The following CASR variants were observed in gnomAD, a reference collection of about 807,000 sequenced individuals.
The protein encoded by CASR is extracellular calcium-sensing receptor.
In CASR, 23 loss-of-function variants were observed where a neutral mutation model predicts 69.1. That is an observed-to-expected ratio of 0.33 (90% CI 0.24 to 0.47). The LOEUF (loss-of-function observed/expected upper bound fraction) is 0.47, where lower values mean the gene tolerates loss of function less well. CASR is among the 20% of genes least tolerant of loss of function. The pLI, the probability that CASR is intolerant of heterozygous loss-of-function variation, is 1.00. For synonymous variants in CASR, 541 were observed against 544.7 expected (o/e 0.99, Z 0.10); for missense variants, 924 against 1,356.1 (o/e 0.68, Z 5.00).
intron 1 of CASR, among the ~76,000 whole-genome samples, chr3:122,219,270 T>C (rs2074148019): frequency 6.6e-6 from 1 of 152,156 alleles, no homozygotes; most frequent in Non-Finnish European, 1.5e-5. Context: ...GATGATAACT[T>C]GCACTGGGAC....
intron 1 of CASR, among the ~76,000 whole-genome samples, chr3:122,228,921 C>T (rs2074253879): frequency 6.6e-6 from 1 of 152,178 alleles, no homozygotes; most frequent in Admixed American, 6.5e-5. Context: ...CATCTCAATG[C>T]CCCACTCTTC....
intron 1 of CASR, among the ~76,000 whole-genome samples, chr3:122,250,672 G>C (rs1044631435): frequency 3.9e-5 from 6 of 152,172 alleles, no homozygotes; most frequent in African/African-American, 9.7e-5. Flanking sequence ...ATGTTTAAGG[G>C]ATCTGGCACA....
intron 4 of CASR, among the ~76,000 whole-genome samples, chr3:122,264,723 C>T (rs2074669059): frequency 6.6e-6 from 1 of 152,126 alleles, no homozygotes; most frequent in African/African-American, 2.4e-5. Flanking sequence ...TGGTGTGAGT[C>T]TCCTTTGAGC....
intron 1 of CASR, among the ~76,000 whole-genome samples, chr3:122,240,840 A>C (rs2074372898): frequency 1.3e-5 from 2 of 152,350 alleles, no homozygotes; most frequent in South Asian, 4.1e-4. Flanking sequence ...ATTGTCTTTG[A>C]CCACAATGAA....
At chr3:122,203,412 G>A (rs1021830026) in intron 1 of CASR, among the ~76,000 whole-genome samples, 2 of 152,138 alleles carry the variant, frequency 1.3e-5, no homozygotes, top group African/African-American at 2.4e-5. Flanking sequence ...CTTACACCTA[G>A]CTATATGGGT....
Position 122,254,040 on chromosome 3 carries a change from G to C in CASR, c.-150G>C. On this transcript the variant is annotated 5_prime_UTR_variant, in exon 2 of 7. Coordinates refer to ENST00000639785, the MANE Select transcript of CASR (RefSeq NM_000388.4). ...CTGGATTGAGGAAGGCAGAAATGGA[G>C]ATTCAAACACCACGTCTTCTATTAT... is the stretch of plus-strand genomic sequence containing the variant. 1.2e-6 allele frequency: 1 copy of C among 810,168 alleles called. No individual in the cohort carries two copies. The highest frequency in any genetic ancestry group is 1.8e-5 in the Admixed American group (1 of 56,464). The allele number at this position is 810,168 out of a possible 1,614,324, so 50.2% of individuals were successfully genotyped here. A position where few individuals can be genotyped will look rare whatever the true frequency, so the allele number is the denominator to read the frequency against.
At chr3:122,259,628 A>ATTTTTT (rs11414721) in intron 3 of CASR, among the ~76,000 whole-genome samples, 9,891 of 121,878 alleles carry the variant, frequency 0.081, 706 homozygotes, top group Middle Eastern at 0.16. Flanking sequence ...CACATTGGAA[A>ATTTTTT]TTTTTTTTTT....
chr3:122,273,397 T>C (rs1038326142), intron 4 of CASR, among the ~76,000 whole-genome samples: 1 of 152,192 alleles, frequency 6.6e-6, no homozygotes, highest in African/African-American at 2.4e-5. Context: ...ATAGAGGTGT[T>C]GTGAGGATTA....
chr3:122,281,333 A>G (rs767430238), intron 5 of CASR, among the ~76,000 whole-genome samples: 1 of 152,246 alleles, frequency 6.6e-6, no homozygotes, highest in Non-Finnish European at 1.5e-5. Context: ...TCATCTGCAA[A>G]TAACTACAGT....
intron 1 of CASR, among the ~76,000 whole-genome samples, chr3:122,249,764 T>C (rs2074464229): frequency 6.6e-6 from 1 of 152,228 alleles, no homozygotes; most frequent in Non-Finnish European, 1.5e-5. Flanking sequence ...AAATGTATAG[T>C]AAGGAGAACA....
chr3:122,206,379 A>G (rs931556701), intron 1 of CASR, among the ~76,000 whole-genome samples: 10 of 151,938 alleles, frequency 6.6e-5, no homozygotes, highest in African/African-American at 2.2e-4. Flanking sequence ...TTTCATGGTT[A>G]TTGATTTGAG....
chr3:122,212,556 TTAAAA>T (rs1268529513), intron 1 of CASR, among the ~76,000 whole-genome samples: 2 of 152,178 alleles, frequency 1.3e-5, no homozygotes, highest in Admixed American at 6.5e-5. Context: ...ATACCGGAAC[TTAAAA>T]TAAAATTAAA....
At position 122,290,242 on chromosome 3, in the gene CASR, T is replaced by C. The variant is rs2075001542; in HGVS notation, c.*5051T>C. ...AAAGCAGCAAACTCTGTGACTGAAG[T>C]TTCAGCACATGGATGGCAAATATTT... On this transcript the variant is annotated 3_prime_UTR_variant, in exon 7 of 7. Coordinates refer to ENST00000639785, the MANE Select transcript of CASR (RefSeq NM_000388.4). The C allele has an allele frequency of 6.6e-6, 1 of 151,904 alleles. No individual in the cohort carries two copies. The highest frequency in any genetic ancestry group is 1.5e-5 in the Non-Finnish European group (1 of 67,974). 9.4% of individuals were successfully genotyped at this position (151,904 alleles called of 1,614,324 possible). A position where few individuals can be genotyped will look rare whatever the true frequency, so the allele number is the denominator to read the frequency against.
At chr3:122,274,677 T>C (rs1370666398) in intron 4 of CASR, among the ~76,000 whole-genome samples, 1 of 152,140 alleles carries the variant, frequency 6.6e-6, no homozygotes, top group East Asian at 1.9e-4. Context: ...TGAGGCAGGA[T>C]GGTCGATTGA....
At chr3:122,219,800 T>C (rs1477152964) in intron 1 of CASR, among the ~76,000 whole-genome samples, 1 of 152,234 alleles carries the variant, frequency 6.6e-6, no homozygotes, top group East Asian at 1.9e-4. Context: ...GCAATCTCAG[T>C]GTTCTCTAGC....
At chr3:122,190,527 A>G (rs2073829493) in intron 1 of CASR, among the ~76,000 whole-genome samples, 1 of 152,104 alleles carries the variant, frequency 6.6e-6, no homozygotes, top group Non-Finnish European at 1.5e-5. Flanking sequence ...CATTTTCCTT[A>G]TCTGTAAACT....
At chr3:122,262,683 A>C (rs1382753020) in intron 4 of CASR, among the ~76,000 whole-genome samples, 1 of 152,236 alleles carries the variant, frequency 6.6e-6, no homozygotes, top group Non-Finnish European at 1.5e-5. Flanking sequence ...AAAGTTTTCA[A>C]ATATCCCAGA....
chr3:122,207,446 T>A (rs2074018438), intron 1 of CASR, among the ~76,000 whole-genome samples: 1 of 152,110 alleles, frequency 6.6e-6, no homozygotes, highest in African/African-American at 2.4e-5. Flanking sequence ...ACACATTTTT[T>A]AAAAAATAGA....
At chr3:122,190,712 G>T (rs1422736190) in intron 1 of CASR, among the ~76,000 whole-genome samples, 1 of 152,180 alleles carries the variant, frequency 6.6e-6, no homozygotes. Flanking sequence ...ATGAATGAAT[G>T]AATGAACAAA....
Sources: allele counts gnomAD v4.1 joint callset (sites outside exome capture counted in the v4.1 genomes callset), GRCh38; gene constraint gnomAD v4.1.1; transcripts MANE v1.5; gene names NCBI Gene and HGNC (gene_info 2026-07-23, HGNC 2026-07-21).